ANO4: variants seen among roughly 807,000 people sequenced by gnomAD.
The protein encoded by ANO4 is anoctamin-4.
ANO4 carries 69 observed loss-of-function variants against 141.9 expected under a neutral mutation model. The ratio of observed to expected loss-of-function variants is 0.49; its 90% CI spans 0.40 to 0.59. ANO4 has a LOEUF of 0.59. Ranked by LOEUF, ANO4 falls within the 20% of genes least tolerant of loss-of-function variation. The pLI, the probability that ANO4 is intolerant of heterozygous loss-of-function variation, is 0.00. For synonymous variants in ANO4, 350 were observed against 394.3 expected (o/e 0.89, Z 1.33); for missense variants, 894 against 1,162.2 (o/e 0.77, Z 3.36).
At chr12:100,746,236 C>G (rs2032096000) in intron 3 of ANO4, among the ~76,000 whole-genome samples, 1 of 152,066 alleles carries the variant, frequency 6.6e-6, no homozygotes, top group Non-Finnish European at 1.5e-5. Context: ...GGCAGATCAC[C>G]TGAGGTCAGG....
chr12:100,940,583 T>G (rs2042468746), intron 4 of ANO4, among the ~76,000 whole-genome samples: 1 of 152,226 alleles, frequency 6.6e-6, no homozygotes, highest in African/African-American at 2.4e-5. Context: ...TAGTGAGGAT[T>G]GGTCATCAAT....
intron 1 of ANO4, among the ~76,000 whole-genome samples, chr12:100,804,345 C>G (rs942661828): frequency 3.3e-5 from 5 of 152,190 alleles, no homozygotes; most frequent in African/African-American, 1.2e-4. Flanking sequence ...TTTAGCCAGT[C>G]TATCTTTGAT....
At chr12:100,993,075 G>C (rs1396778858) in intron 8 of ANO4, among the ~76,000 whole-genome samples, 1 of 152,094 alleles carries the variant, frequency 6.6e-6, no homozygotes, top group Non-Finnish European at 1.5e-5. Context: ...TGTAGTCCCA[G>C]CTACTTGGGA....
chr12:100,746,453 T>TAAAAAAAAAAAAAAAAAAAAAA (rs58996492), intron 3 of ANO4, among the ~76,000 whole-genome samples: 19 of 146,860 alleles, frequency 1.3e-4, no homozygotes, highest in South Asian at 4.3e-4. Context: ...ACTCTGTTAT[T>TAAAAAAAAAAAAAAAAAAAAAA]AAAAAGAATG....
At chr12:100,871,921 A>G (rs2039055526) in intron 1 of ANO4, among the ~76,000 whole-genome samples, 1 of 152,236 alleles carries the variant, frequency 6.6e-6, no homozygotes, top group Admixed American at 6.5e-5. Flanking sequence ...TTGGAGGGTC[A>G]TAAACATTTA....
At chr12:100,743,692 A>T (rs2031973111) in intron 3 of ANO4, among the ~76,000 whole-genome samples, 1 of 152,212 alleles carries the variant, frequency 6.6e-6, no homozygotes, top group East Asian at 1.9e-4. Flanking sequence ...AAAAAGAGTA[A>T]AACTATTGTC....
chr12:100,789,377 T>C (rs1433169766), intron 3 of ANO4, among the ~76,000 whole-genome samples: 2 of 152,196 alleles, frequency 1.3e-5, no homozygotes, highest in African/African-American at 4.8e-5. Context: ...ACTGGCCTCC[T>C]AGGCTGCTTG....
intron 22 of ANO4, among the ~76,000 whole-genome samples, chr12:101,104,690 A>G (rs1477536831): frequency 3.0e-5 from 4 of 132,868 alleles, no homozygotes; most frequent in African/African-American, 8.2e-5. Flanking sequence ...GATTTACCTT[A>G]TGCTCCTTTA....
In ANO4 at chr12:100,785,460, G is replaced by A. The variant is rs1038028681; in HGVS notation, c.358+45355G>A. On this transcript the variant is annotated intron_variant, in intron 3 of 29. Transcript: ENST00000644049. ...ATATTTTTACTGTTTTCCTAGTTTT[G>A]CCTTTTCTAGACTGTCATAGAGTTG... 4.6e-5 allele frequency among the ~76,000 whole-genome samples: 7 copies of A among 152,154 alleles called. No homozygotes were observed. The East Asian group carries it at 1.4e-3, about 29-fold the overall frequency.
chr12:100,977,207 A>G (rs1566080378), intron 7 of ANO4, among the ~76,000 whole-genome samples: 3 of 152,202 alleles, frequency 2.0e-5, no homozygotes, highest in African/African-American at 7.2e-5. Flanking sequence ...GTCTTTGCAG[A>G]AGGGTATCCT....
chr12:100,953,089 T>G (rs2043037260), intron 5 of ANO4, among the ~76,000 whole-genome samples: 3 of 152,208 alleles, frequency 2.0e-5, no homozygotes, highest in Admixed American at 1.3e-4. Context: ...CAGTCTAAAT[T>G]TAACTTCTCT....
intron 1 of ANO4, among the ~76,000 whole-genome samples, chr12:100,849,873 C>T (rs1179068711): frequency 6.6e-6 from 1 of 152,088 alleles, no homozygotes; most frequent in African/African-American, 2.4e-5. Context: ...ACCTTGTGGG[C>T]TCCGGATCAA....
intron 1 of ANO4, among the ~76,000 whole-genome samples, chr12:100,878,768 C>A (rs944511119): frequency 6.6e-6 from 1 of 152,078 alleles, no homozygotes; most frequent in African/African-American, 2.4e-5. Context: ...GGGGCATTTC[C>A]TTTTCCTATA....
upstream of ANO4, among the ~76,000 whole-genome samples, chr12:100,791,618 A>G (rs559797422): frequency 6.6e-6 from 1 of 152,326 alleles, no homozygotes; most frequent in African/African-American, 2.4e-5. Flanking sequence ...AAATTCATGT[A>G]ACATGGTGGG....
chr12:100,900,351 C>A (rs887789151), intron 1 of ANO4, among the ~76,000 whole-genome samples: 1 of 151,810 alleles, frequency 6.6e-6, no homozygotes, highest in Admixed American at 6.6e-5. Flanking sequence ...ATGTGCACAA[C>A]GTGCAGGTTT....
At position 100,965,958 on chromosome 12, in the gene ANO4, G is replaced by A. The variant is rs184244040; in HGVS notation, c.457-5348G>A. 1.7e-3 allele frequency among the ~76,000 whole-genome samples: 253 copies of A among 152,154 alleles called. 1 individual carries two copies. Among genetic ancestry groups the A allele is most frequent in the African/African-American group, 5.8e-3 (242 of 41,514 alleles). On this transcript the variant is annotated intron_variant, in intron 5 of 27. Transcript: ENST00000392977. The stretch of plus-strand genomic sequence containing the variant: ...ATATCCATCACCTGGAAGAGTCCCT[G>A]ACACAGAGTAGCCACTTAATGAACA...
chr12:101,110,610 A>C, intron 23 of ANO4, 54 bp downstream of exon 23: 3 of 1,395,418 alleles, frequency 2.1e-6, no homozygotes, highest in African/African-American at 2.9e-5. Flanking sequence ...CTGGTGGATA[A>C]AATTTTAAAA....
chr12:100,999,226 A>T (rs2045531761), intron 8 of ANO4, among the ~76,000 whole-genome samples: 1 of 152,184 alleles, frequency 6.6e-6, no homozygotes, highest in Non-Finnish European at 1.5e-5. Flanking sequence ...TCAAGGCTGC[A>T]CTCCTTTCTG....
chr12:101,009,024 A>G (rs1050940291), intron 8 of ANO4, among the ~76,000 whole-genome samples: 1 of 151,972 alleles, frequency 6.6e-6, no homozygotes, highest in Non-Finnish European at 1.5e-5. Flanking sequence ...GATTACGTGG[A>G]TGATATTATT....
Sources: gnomAD v4.1 joint callset for allele counts (sites outside exome capture counted in the v4.1 genomes callset) on GRCh38, gnomAD v4.1.1 for gene constraint, MANE v1.5 for transcripts, NCBI Gene and HGNC (gene_info 2026-07-23, HGNC 2026-07-21) for gene names.